The following NPTN variants were observed in gnomAD, a reference collection of about 807,000 sequenced individuals.
The protein encoded by NPTN is SDR-1.
NPTN carries 5 observed loss-of-function variants against 42.7 expected under a neutral mutation model. The ratio of observed to expected loss-of-function variants is 0.12; its 90% CI spans 0.06 to 0.25. NPTN has a LOEUF of 0.25. Among genes scored for constraint, NPTN ranks in the 10% least tolerant of loss-of-function variants. NPTN has a pLI of 1.00. For missense variants in NPTN, 307 were observed against 525.4 expected (o/e 0.58, Z 4.06); for synonymous variants, 180 against 201.9 (o/e 0.89, Z 0.92).
chr15:73,594,368 A>G (rs1896735742), intron 2 of NPTN, among the ~76,000 whole-genome samples: 1 of 152,244 alleles, frequency 6.6e-6, no homozygotes, highest in Non-Finnish European at 1.5e-5. Context: ...AACCTGGTAG[A>G]CTTTCTGCCA....
chr15:73,589,298 C>T (rs997402862), intron 3 of NPTN, among the ~76,000 whole-genome samples: 7 of 151,998 alleles, frequency 4.6e-5, no homozygotes, highest in Non-Finnish European at 1.0e-4. Context: ...TGCCACTGCA[C>T]TCCAGCCTGG....
intron 6 of NPTN, 143 bp from the exon 7 acceptor site, chr15:73,563,400 C>T: frequency 2.1e-6 from 3 of 1,455,734 alleles, no homozygotes; most frequent in African/African-American, 2.9e-5. Context: ...AAGGCCATTC[C>T]ATCTGGAGGT....
chr15:73,613,758 T>A (rs1897717053), intron 1 of NPTN, among the ~76,000 whole-genome samples: 1 of 152,058 alleles, frequency 6.6e-6, no homozygotes, highest in Non-Finnish European at 1.5e-5. Context: ...CAATCTCAGC[T>A]CACTGCAACC....
At chr15:73,580,349 C>T (rs1349770886) in intron 4 of NPTN, among the ~76,000 whole-genome samples, 6 of 145,722 alleles carry the variant, frequency 4.1e-5, no homozygotes, top group Admixed American at 2.1e-4. Flanking sequence ...CAAACCTGCA[C>T]GTTCTGTACA....
At chr15:73,584,726 AGTATCT>A (rs1377816539) in intron 4 of NPTN, among the ~76,000 whole-genome samples, 3 of 150,716 alleles carry the variant, frequency 2.0e-5, no homozygotes, top group African/African-American at 7.4e-5. Flanking sequence ...AACCCTCAAC[AGTATCT>A]TCCTGTTTAT....
chr15:73,614,441 G>A (rs1897760100), intron 1 of NPTN, among the ~76,000 whole-genome samples: 1 of 152,198 alleles, frequency 6.6e-6, no homozygotes, highest in Non-Finnish European at 1.5e-5. Flanking sequence ...CAATTTCTAA[G>A]GTCCTTTCAG....
intron 4 of NPTN, among the ~76,000 whole-genome samples, chr15:73,584,650 A>C (rs1896224363): frequency 6.6e-6 from 1 of 151,136 alleles, no homozygotes; most frequent in African/African-American, 2.4e-5. Flanking sequence ...CCCTCTCCTG[A>C]CCGGCCCTGC....
intron 5 of NPTN, 143 bp downstream of exon 5, chr15:73,573,519 T>C (rs562500171): frequency 6.4e-5 from 56 of 879,294 alleles, no homozygotes; most frequent in Middle Eastern, 3.6e-4. Context: ...TCTTGATTCA[T>C]GCTGTAAACC....
intron 6 of NPTN, chr15:73,567,567 A>G: frequency 1.0e-6 from 1 of 985,430 alleles, no homozygotes; most frequent in Non-Finnish European, 1.2e-6. Context: ...GTTGAGGGGA[A>G]CTGGCTAAAG....
chr15:73,631,087 T>C (rs1283300760), intron 1 of NPTN, among the ~76,000 whole-genome samples: 2 of 152,224 alleles, frequency 1.3e-5, no homozygotes, highest in Non-Finnish European at 2.9e-5. Context: ...TGAGTCTTTA[T>C]AGGCCTATCC....
At chr15:73,588,153 T>C (rs914927683) in intron 3 of NPTN, among the ~76,000 whole-genome samples, 1 of 152,060 alleles carries the variant, frequency 6.6e-6, no homozygotes, top group Non-Finnish European at 1.5e-5. Context: ...GGCAGGAGAA[T>C]CACTTGAACC....
chr15:73,560,185 TAC>T lies in NPTN; in HGVS notation c.*876_*877del, dbSNP rs201878917. 2.9e-3 allele frequency: 808 copies of T among 280,562 alleles called. No homozygotes were observed. The highest frequency in any genetic ancestry group is 7.6e-3 in the African/African-American group (338 of 44,618). 17.4% of individuals were successfully genotyped at this position (280,562 alleles called of 1,614,324 possible). The stretch of plus-strand genomic sequence containing the variant: ...CAACCAGTAAATCAATGTGAAAAAA[TAC>T]AGTGTCAAACCAAAAAGTATAACTA... On this transcript the variant is annotated 3_prime_UTR_variant, in exon 9 of 9. Transcript: ENST00000345330.
intron 4 of NPTN, among the ~76,000 whole-genome samples, chr15:73,576,334 T>G (rs966700112): frequency 6.6e-6 from 1 of 152,154 alleles, no homozygotes; most frequent in Non-Finnish European, 1.5e-5. Context: ...AAAGAATGTA[T>G]TTTTTCTTTT....
rs1029585941 is a variant in NPTN at position 73,624,368 on chromosome 15, T to C, written c.91+8757A>G. Among the ~76,000 whole-genome samples, 5 of 152,260 alleles carry C rather than the reference T, an allele frequency of 3.3e-5. No homozygotes were observed. In the East Asian group the frequency reaches 9.6e-4, roughly 29 times the overall value. On this transcript the variant is annotated intron_variant, in intron 1 of 8. Transcript: ENST00000345330. The stretch of plus-strand genomic sequence containing the variant: ...AGGCCATTTATTTCATCTCCCTTGA[T>C]GCACGATTTGAGATTCAGCATTAAT...
At chr15:73,587,479 G>C (rs756550423) in intron 4 of NPTN, 45 bp downstream of exon 4, 1 of 1,371,828 alleles carries the variant, frequency 7.3e-7, no homozygotes, top group East Asian at 2.3e-5. Context: ...TACTGTCTTG[G>C]AAGGAGAGTG....
chr15:73,587,467 G>A, intron 4 of NPTN, 57 bp downstream of exon 4: 1 of 1,235,906 alleles, frequency 8.1e-7, no homozygotes, highest in Non-Finnish European at 1.2e-6. Flanking sequence ...TCCAGACCAA[G>A]GTACTGTCTT....
At chr15:73,618,065 C>A (rs1897949091) in intron 1 of NPTN, among the ~76,000 whole-genome samples, 1 of 152,192 alleles carries the variant, frequency 6.6e-6, no homozygotes. Flanking sequence ...GTATGCTACT[C>A]CACAGTAAGT....
At chr15:73,588,317 G>A (rs774529936) in intron 3 of NPTN, among the ~76,000 whole-genome samples, 2 of 152,162 alleles carry the variant, frequency 1.3e-5, no homozygotes, top group Non-Finnish European at 2.9e-5. Context: ...AAAAGCACAA[G>A]CTTTCTGAGC....
intron 1 of NPTN, among the ~76,000 whole-genome samples, chr15:73,628,568 C>T (rs963006140): frequency 1.3e-5 from 2 of 152,174 alleles, no homozygotes; most frequent in Non-Finnish European, 2.9e-5. Context: ...GATATTAGCA[C>T]TTTATCTCCT....
Sources: allele counts gnomAD v4.1 joint callset (sites outside exome capture counted in the v4.1 genomes callset), GRCh38; gene constraint gnomAD v4.1.1; transcripts MANE v1.5; gene names NCBI Gene and HGNC (gene_info 2026-07-23, HGNC 2026-07-21).